RAPGEF5: variants seen among roughly 807,000 people sequenced by gnomAD.
RAPGEF5 encodes M-Ras-regulated GEF.
In RAPGEF5, 65 loss-of-function variants were observed where a neutral mutation model predicts 125.2. The observed-to-expected ratio is 0.52, with a 90% CI of 0.43 to 0.64. The LOEUF (loss-of-function observed/expected upper bound fraction) is 0.64, where lower values mean the gene tolerates loss of function less well. Ranked by LOEUF, RAPGEF5 falls within the 30% of genes least tolerant of loss-of-function variation. The pLI is 0.00. For missense variants in RAPGEF5, 958 were observed against 1,048.1 expected (o/e 0.91, Z 1.19); for synonymous variants, 391 against 385.9 (o/e 1.01, Z -0.16).
intron 11 of RAPGEF5, among the ~76,000 whole-genome samples, chr7:22,181,752 A>G (rs1287209364): frequency 1.3e-5 from 2 of 152,204 alleles, no homozygotes; most frequent in Non-Finnish European, 2.9e-5. Flanking sequence ...CAAGGCAAAA[A>G]AGCTGCAAAC....
rs763108261 is a variant in RAPGEF5 at position 22,122,377 on chromosome 7, C to G, written c.*29G>C. 4 of 1,532,170 alleles carry G rather than the reference C, an allele frequency of 2.6e-6. No homozygotes were observed. Among genetic ancestry groups the G allele is most frequent in the Non-Finnish European group, 9.0e-7 (1 of 1,107,360 alleles). 94.9% of individuals were successfully genotyped at this position (1,532,170 alleles called of 1,614,324 possible). A position where few individuals can be genotyped will look rare whatever the true frequency, so the allele number is the denominator to read the frequency against. The stretch of plus-strand genomic sequence containing the variant: ...GACATTCCCGTAGCTCAAAGTGCTG[C>G]AGATACAGGGGAGGTGAGGCAGTGG... On this transcript the variant is annotated 3_prime_UTR_variant, in exon 26 of 26. Coordinates refer to ENST00000665637, the MANE Select transcript of RAPGEF5 (RefSeq NM_012294.5).
chr7:22,173,352 T>G (rs956002665), intron 11 of RAPGEF5, among the ~76,000 whole-genome samples: 1 of 152,242 alleles, frequency 6.6e-6, no homozygotes, highest in African/African-American at 2.4e-5. Context: ...AGCTTTTTAC[T>G]ACAGCTCTTA....
intron 9 of RAPGEF5, among the ~76,000 whole-genome samples, chr7:22,203,884 G>A (rs918306966): frequency 2.6e-5 from 4 of 152,150 alleles, no homozygotes; most frequent in Non-Finnish European, 4.4e-5. Flanking sequence ...AAGAAATGAG[G>A]ATGCAGAAAT....
intron 6 of RAPGEF5, among the ~76,000 whole-genome samples, chr7:22,268,826 C>T (rs1485950052): frequency 6.6e-6 from 1 of 152,092 alleles, no homozygotes; most frequent in Non-Finnish European, 1.5e-5. Flanking sequence ...GAAAATGATG[C>T]CCAAAATAGA....
At chr7:22,245,460 C>T (rs1047243605) in intron 7 of RAPGEF5, among the ~76,000 whole-genome samples, 24 of 152,084 alleles carry the variant, frequency 1.6e-4, no homozygotes, top group African/African-American at 5.5e-4. Context: ...ACATTTAAGT[C>T]TTTAATCTAT....
At chr7:22,265,002 A>G (rs1782248166) in intron 7 of RAPGEF5, among the ~76,000 whole-genome samples, 1 of 152,148 alleles carries the variant, frequency 6.6e-6, no homozygotes, top group Admixed American at 6.5e-5. Context: ...TTTGATAAAT[A>G]ATAATTGTAC....
chr7:22,224,431 C>A (rs1785866254), intron 8 of RAPGEF5, among the ~76,000 whole-genome samples: 1 of 152,112 alleles, frequency 6.6e-6, no homozygotes, highest in African/African-American at 2.4e-5. Flanking sequence ...AATTCATGTA[C>A]GTCAACCAGC....
At chr7:22,261,906 T>A (rs1208517636) in intron 7 of RAPGEF5, among the ~76,000 whole-genome samples, 1 of 150,818 alleles carries the variant, frequency 6.6e-6, no homozygotes, top group Non-Finnish European at 1.5e-5. Context: ...CAAAACTAAC[T>A]CAAAAGTGAT....
chr7:22,303,086 A>G (rs1013032302), intron 5 of RAPGEF5, among the ~76,000 whole-genome samples: 2 of 152,224 alleles, frequency 1.3e-5, no homozygotes, highest in African/African-American at 4.8e-5. Context: ...CTCACAGCCT[A>G]AAGGCCCAAA....
chr7:22,316,477 ATATATATATATAT>A (rs1174673164), intron 2 of RAPGEF5, among the ~76,000 whole-genome samples: 14 of 59,084 alleles, frequency 2.4e-4, no homozygotes, highest in African/African-American at 8.6e-4. Context: ...ATATATATAT[ATATATATATATAT>A]TTTTTTTTTT....
chr7:22,220,154 T>G, intron 8 of RAPGEF5, 163 bp from the exon 9 acceptor site: 1 of 879,710 alleles, frequency 1.1e-6, no homozygotes, highest in Admixed American at 2.8e-5. Flanking sequence ...GTTACATTAT[T>G]ATAACCTAAG....
intron 6 of RAPGEF5, among the ~76,000 whole-genome samples, chr7:22,274,320 C>T (rs1782507745): frequency 6.6e-6 from 1 of 152,052 alleles, no homozygotes; most frequent in East Asian, 1.9e-4. Flanking sequence ...TCAACATTTC[C>T]AAAGGTGAAT....
intron 25 of RAPGEF5, among the ~76,000 whole-genome samples, chr7:22,125,019 T>C (rs1413033740): frequency 6.6e-6 from 1 of 152,176 alleles, no homozygotes; most frequent in African/African-American, 2.4e-5. Flanking sequence ...TTAAACATAG[T>C]ATAAATTATG....
intron 1 of RAPGEF5, among the ~76,000 whole-genome samples, chr7:22,319,360 G>A (rs887462948): frequency 6.6e-6 from 1 of 152,146 alleles, no homozygotes; most frequent in Admixed American, 6.5e-5. Context: ...CTAAACTTTA[G>A]TCTAAAAAGA....
chr7:22,303,269 T>C (rs949096073), intron 5 of RAPGEF5, among the ~76,000 whole-genome samples: 15 of 152,238 alleles, frequency 9.9e-5, no homozygotes, highest in African/African-American at 3.1e-4. Context: ...TGGAAGGAGA[T>C]ACCATAACTG....
chr7:22,223,740 T>C (rs983252355), intron 8 of RAPGEF5, among the ~76,000 whole-genome samples: 6 of 152,160 alleles, frequency 3.9e-5, no homozygotes, highest in African/African-American at 1.2e-4. Context: ...TGCAGGTACG[T>C]TGGCATATTT....
intron 9 of RAPGEF5, among the ~76,000 whole-genome samples, chr7:22,212,175 G>T (rs372957069): frequency 1.3e-5 from 2 of 151,934 alleles, no homozygotes; most frequent in African/African-American, 4.8e-5. Flanking sequence ...GAGTTTCACC[G>T]TGTTAGCCAG....
chr7:22,168,698 G>A (rs1784250040), intron 11 of RAPGEF5, among the ~76,000 whole-genome samples: 1 of 152,174 alleles, frequency 6.6e-6, no homozygotes, highest in Non-Finnish European at 1.5e-5. Context: ...TCTGATATAC[G>A]AGGTTGTGGA....
At chr7:22,184,187 A>T (rs1304223060) in intron 11 of RAPGEF5, among the ~76,000 whole-genome samples, 1 of 152,222 alleles carries the variant, frequency 6.6e-6, no homozygotes, top group Non-Finnish European at 1.5e-5. Context: ...TTTATAAATA[A>T]ATATACATAT....
Sources: allele counts gnomAD v4.1 joint callset (sites outside exome capture counted in the v4.1 genomes callset), GRCh38; gene constraint gnomAD v4.1.1; transcripts MANE v1.5; gene names NCBI Gene and HGNC (gene_info 2026-07-23, HGNC 2026-07-21).